The following PLCB1 variants were observed in gnomAD, a reference collection of about 807,000 sequenced individuals.
The protein encoded by PLCB1 is 1-phosphatidylinositol 4,5-bisphosphate phosphodiesterase beta-1.
In PLCB1, 46 loss-of-function variants were observed where a neutral mutation model predicts 161.8. The ratio of observed to expected loss-of-function variants is 0.28; its 90% CI spans 0.22 to 0.36. The LOEUF is 0.36. Ranked by LOEUF, PLCB1 falls within the 10% of genes least tolerant of loss-of-function variation. The pLI is 1.00. For synonymous variants in PLCB1, 517 were observed against 503.7 expected (o/e 1.03, Z -0.35); for missense variants, 1,016 against 1,472.5 (o/e 0.69, Z 5.07).
chr20:8,762,645 A>G (rs1416473914), intron 25 of PLCB1, among the ~76,000 whole-genome samples: 1 of 152,220 alleles, frequency 6.6e-6, no homozygotes, highest in Non-Finnish European at 1.5e-5. Flanking sequence ...ATAATTTATT[A>G]TGCAACCATA....
chr20:8,660,487 GC>G (rs1343636183), intron 9 of PLCB1, among the ~76,000 whole-genome samples: 5 of 152,122 alleles, frequency 3.3e-5, no homozygotes, highest in Non-Finnish European at 7.3e-5. Flanking sequence ...CAAAGTGTAA[GC>G]CTTTTCCTTT....
At chr20:8,539,504 C>T (rs989029249) in intron 3 of PLCB1, among the ~76,000 whole-genome samples, 6 of 152,114 alleles carry the variant, frequency 3.9e-5, no homozygotes, top group Admixed American at 1.3e-4. Context: ...CAAGTTAAAA[C>T]GTCTCCCTTT....
intron 3 of PLCB1, among the ~76,000 whole-genome samples, chr20:8,476,096 A>G (rs1482197532): frequency 1.3e-5 from 2 of 152,176 alleles, no homozygotes; most frequent in Non-Finnish European, 2.9e-5. Flanking sequence ...GCACCAACCA[A>G]AACACTGTGT....
intron 3 of PLCB1, among the ~76,000 whole-genome samples, chr20:8,620,784 C>G (rs957769024): frequency 4.3e-5 from 6 of 138,598 alleles, no homozygotes; most frequent in Admixed American, 4.3e-4. Context: ...AGAAAAGAAA[C>G]AGAATACAGG....
chr20:8,704,036 A>G (rs904406353), intron 11 of PLCB1, among the ~76,000 whole-genome samples: 8 of 152,188 alleles, frequency 5.3e-5, no homozygotes, highest in Non-Finnish European at 1.2e-4. Context: ...CAAACAGACA[A>G]TGAAGACAGC....
intron 3 of PLCB1, among the ~76,000 whole-genome samples, chr20:8,620,028 A>T (rs1346134907): frequency 2.0e-5 from 3 of 152,150 alleles, no homozygotes; most frequent in Admixed American, 2.0e-4. Flanking sequence ...TAGCTTTGAA[A>T]ATTAGGCAAC....
chr20:8,231,165 GC>G (rs1980013177), intron 2 of PLCB1, among the ~76,000 whole-genome samples: 2 of 152,124 alleles, frequency 1.3e-5, no homozygotes, highest in African/African-American at 4.8e-5. Context: ...TTAGGTAGAA[GC>G]CTATGTATGC....
At chr20:8,488,427 C>T (rs1349126618) in intron 3 of PLCB1, among the ~76,000 whole-genome samples, 1 of 152,150 alleles carries the variant, frequency 6.6e-6, no homozygotes. Flanking sequence ...AATGCATTCC[C>T]TTAATAAATC....
intron 31 of PLCB1, among the ~76,000 whole-genome samples, chr20:8,796,035 A>G (rs749249991): frequency 3.3e-5 from 5 of 152,176 alleles, no homozygotes; most frequent in Non-Finnish European, 7.3e-5. Context: ...TATCTCCATA[A>G]CCTCATAAAA....
At chr20:8,706,798 C>A (rs1276515892) in intron 11 of PLCB1, among the ~76,000 whole-genome samples, 4 of 152,134 alleles carry the variant, frequency 2.6e-5, no homozygotes, top group African/African-American at 9.7e-5. Context: ...ATCTCTGCAC[C>A]TTAGTTGAAT....
At chr20:8,463,146 AGTGT>A (rs11472638) in intron 3 of PLCB1, among the ~76,000 whole-genome samples, 43,379 of 144,490 alleles carry the variant, frequency 0.3, 6,744 homozygotes, top group Non-Finnish European at 0.37. Flanking sequence ...AGTACAGAGC[AGTGT>A]GTGTGTGTGT....
chr20:8,242,284 C>T (rs1980656851), intron 2 of PLCB1, among the ~76,000 whole-genome samples: 1 of 151,922 alleles, frequency 6.6e-6, no homozygotes, highest in South Asian at 2.1e-4. Flanking sequence ...TGCCAGATTC[C>T]ACGGGCCAGA....
intron 4 of PLCB1, among the ~76,000 whole-genome samples, chr20:8,639,485 T>G (rs1281492985): frequency 6.6e-6 from 1 of 152,200 alleles, no homozygotes; most frequent in Non-Finnish European, 1.5e-5. Context: ...TCGAGATGCC[T>G]CTGTAGCTCT....
At chr20:8,338,508 G>A (rs1985671642) in intron 2 of PLCB1, among the ~76,000 whole-genome samples, 1 of 152,104 alleles carries the variant, frequency 6.6e-6, no homozygotes, top group Non-Finnish European at 1.5e-5. Context: ...TGTTGATGAT[G>A]GTCAAGTCTA....
intron 2 of PLCB1, among the ~76,000 whole-genome samples, chr20:8,192,339 A>G (rs535236207): frequency 3.3e-5 from 5 of 151,972 alleles, no homozygotes; most frequent in Non-Finnish European, 7.4e-5. Context: ...TAATTTAAAA[A>G]AATCGTATTC....
chr20:8,142,955 C>T (rs2051418866), intron 1 of PLCB1, among the ~76,000 whole-genome samples: 1 of 152,172 alleles, frequency 6.6e-6, no homozygotes, highest in Non-Finnish European at 1.5e-5. Flanking sequence ...TCACCTTCTG[C>T]ATTTATATTT....
intron 31 of PLCB1, among the ~76,000 whole-genome samples, chr20:8,837,862 CA>C (rs1404886011): frequency 6.6e-6 from 1 of 152,154 alleles, no homozygotes; most frequent in East Asian, 1.9e-4. Context: ...CCCAGGGTGG[CA>C]GGGGCCAAGT....
At chr20:8,647,785 G>A in intron 5 of PLCB1, 115 bp from the exon 6 acceptor site, 1 of 761,002 alleles carries the variant, frequency 1.3e-6, no homozygotes, top group Admixed American at 2.1e-5. Flanking sequence ...TGGGCAGTTT[G>A]TGGAAATTCA....
At chr20:8,817,108 G>A (rs184037334) in intron 31 of PLCB1, among the ~76,000 whole-genome samples, 138 of 152,270 alleles carry the variant, frequency 9.1e-4, no homozygotes, top group Non-Finnish European at 1.5e-3. Context: ...AGAAAATGCC[G>A]CATCTGTTGC....
Sources: allele counts gnomAD v4.1 joint callset (sites outside exome capture counted in the v4.1 genomes callset), GRCh38; gene constraint gnomAD v4.1.1; transcripts MANE v1.5; gene names NCBI Gene and HGNC (gene_info 2026-07-23, HGNC 2026-07-21).